Variants in COL21A1 observed in about 807,000 individuals in gnomAD.
COL21A1 encodes the protein collagen type XXI alpha 1 chain.
A neutral mutation model predicts 137.9 loss-of-function variants in COL21A1; 149 were observed. The ratio of observed to expected loss-of-function variants is 1.08; its 90% CI spans 0.95 to 1.24. The LOEUF (loss-of-function observed/expected upper bound fraction) is 1.24, where lower values mean the gene tolerates loss of function less well. Ranked by LOEUF, COL21A1 falls within the 50% of genes most tolerant of loss-of-function variation. The pLI, the probability that COL21A1 is intolerant of heterozygous loss-of-function variation, is 0.00. For synonymous variants in COL21A1, 456 were observed against 391.5 expected (o/e 1.16, Z -1.95); for missense variants, 1,167 against 1,158.4 (o/e 1.01, Z -0.11).
In COL21A1 at chr6:56,168,311, G is replaced by C; in HGVS notation, c.1027-14C>G. 6.6e-7 allele frequency: 1 copy of C among 1,518,212 alleles called. No homozygotes were observed. The highest frequency in any genetic ancestry group is 2.3e-5 in the East Asian group (1 of 42,992). The allele number at this position is 1,518,212 out of a possible 1,614,324, so 94.0% of individuals were successfully genotyped here. A position where few individuals can be genotyped will look rare whatever the true frequency, so the allele number is the denominator to read the frequency against. ...ATCAAACAACGTCTACAAAAAGAAAGTGTGGAAGATTCATAAATAAAGCCC... is the reference window on the plus strand; with the variant it reads ...ATCAAACAACGTCTACAAAAAGAAACTGTGGAAGATTCATAAATAAAGCCC... On this transcript the variant is annotated splice_polypyrimidine_tract_variant and intron_variant, in intron 5 of 29. Coordinates refer to ENST00000244728, the MANE Select transcript of COL21A1 (RefSeq NM_030820.4).
chr6:56,361,430 G>A (rs1765961991), intron 1 of COL21A1, among the ~76,000 whole-genome samples: 1 of 152,148 alleles, frequency 6.6e-6, no homozygotes, highest in South Asian at 2.1e-4. Flanking sequence ...CAAGCCTAAA[G>A]TTGGAAATAA....
chr6:56,164,647 C>G, intron 8 of COL21A1, 141 bp from the exon 9 acceptor site: 3 of 861,100 alleles, frequency 3.5e-6, no homozygotes. Context: ...TAACCCAACC[C>G]AATAGGAAAT....
chr6:56,391,262 T>C (rs1313957925), intron 1 of COL21A1, among the ~76,000 whole-genome samples: 1 of 152,008 alleles, frequency 6.6e-6, no homozygotes, highest in Non-Finnish European at 1.5e-5. Context: ...TTTAAAATTT[T>C]GTGAAACATA....
At chr6:56,260,689 A>G (rs12208542) in intron 1 of COL21A1, among the ~76,000 whole-genome samples, 40 of 104,756 alleles carry the variant, frequency 3.8e-4, no homozygotes, top group African/African-American at 1.7e-3. Flanking sequence ...GGAAGGAAGG[A>G]AGGCAGGCAG....
Position 56,074,233 on chromosome 6 carries a change from T to C in COL21A1, c.1964A>G (p.Lys655Arg), listed in dbSNP as rs1767013802. 1 of 1,580,980 alleles carries C rather than the reference T, an allele frequency of 6.3e-7. No homozygotes were observed. Among genetic ancestry groups the C allele is most frequent in the Non-Finnish European group, 8.6e-7 (1 of 1,163,646 alleles). ...TCTTGTTTATTTTATCATATTTACC[T>C]TAGATCCCGGTGTTCCAGGCTGGCC... ...SPGQPGTPGS[K>R]GSKGEPGIQG... The change falls in exon 20 of 30, where the codon AAG (lysine) becomes AGG (arginine). Residue 655 changes from lysine (K) to arginine (R), a missense_variant and splice_region_variant. By Grantham distance (26) the Lys-to-Arg change is conservative. Transcript: ENST00000244728.
chr6:56,248,536 A>G (rs1782762028), upstream of COL21A1, among the ~76,000 whole-genome samples: 1 of 152,160 alleles, frequency 6.6e-6, no homozygotes, highest in Non-Finnish European at 1.5e-5. Flanking sequence ...TGTGTTTCCT[A>G]TCCAACTCAA....
intron 3 of COL21A1, among the ~76,000 whole-genome samples, chr6:56,174,864 T>A (rs1017807036): frequency 2.6e-5 from 4 of 152,018 alleles, no homozygotes; most frequent in African/African-American, 9.7e-5. Flanking sequence ...AAAATAAAAC[T>A]ACAAGCCAAT....
intron 10 of COL21A1, among the ~76,000 whole-genome samples, chr6:56,146,430 T>C (rs1774842606): frequency 6.6e-6 from 1 of 152,196 alleles, no homozygotes; most frequent in African/African-American, 2.4e-5. Flanking sequence ...ATTCTATGTA[T>C]AACTAATATA....
chr6:56,353,447 C>T (rs371903288), intron 1 of COL21A1, among the ~76,000 whole-genome samples: 3 of 152,174 alleles, frequency 2.0e-5, no homozygotes, highest in Non-Finnish European at 2.9e-5. Flanking sequence ...CTTCCAGAAG[C>T]TTCTGTGAGG....
chr6:56,186,071 C>T (rs1778277271), intron 1 of COL21A1, among the ~76,000 whole-genome samples: 1 of 151,528 alleles, frequency 6.6e-6, no homozygotes, highest in South Asian at 2.1e-4. Context: ...GTAAATTTTC[C>T]ATTATTCTTT....
intron 17 of COL21A1, among the ~76,000 whole-genome samples, chr6:56,099,279 G>A (rs1770211551): frequency 7.1e-6 from 1 of 141,564 alleles, no homozygotes; most frequent in Non-Finnish European, 1.5e-5. Context: ...TGTCGCCCAG[G>A]CTGGAGTGCA....
chr6:56,240,685 AAG>A (rs1316264745), intron 1 of COL21A1, among the ~76,000 whole-genome samples: 1 of 152,148 alleles, frequency 6.6e-6, no homozygotes, highest in Admixed American at 6.5e-5. Flanking sequence ...GGCAAAATGA[AAG>A]AGAACTTTGC....
intron 1 of COL21A1, among the ~76,000 whole-genome samples, chr6:56,280,575 C>G (rs2152333861): frequency 6.6e-6 from 1 of 152,232 alleles, no homozygotes; most frequent in South Asian, 2.1e-4. Flanking sequence ...GGACTCTGAG[C>G]ATATAAGAAA....
chr6:56,388,664 A>C (rs1370114902), intron 1 of COL21A1, among the ~76,000 whole-genome samples: 1 of 152,238 alleles, frequency 6.6e-6, no homozygotes, highest in Non-Finnish European at 1.5e-5. Flanking sequence ...CTTCTCAAAA[A>C]GGATGAGTAC....
chr6:56,307,059 T>G (rs961632263), intron 1 of COL21A1, among the ~76,000 whole-genome samples: 1 of 152,204 alleles, frequency 6.6e-6, no homozygotes, highest in Non-Finnish European at 1.5e-5. Context: ...ACAGCAAATG[T>G]TGCTTCCTGA....
At chr6:56,160,919 A>C (rs926535) in intron 9 of COL21A1, among the ~76,000 whole-genome samples, 88,291 of 152,064 alleles carry the variant, frequency 0.58, 26,002 homozygotes, top group East Asian at 0.79. Context: ...TTACGCCTTC[A>C]TGCTACCCCT....
At chr6:56,195,076 C>T (rs995959638) in intron 1 of COL21A1, among the ~76,000 whole-genome samples, 5 of 152,144 alleles carry the variant, frequency 3.3e-5, no homozygotes, top group African/African-American at 2.4e-5. Context: ...ATGCCCTCTG[C>T]GGGCTTGTGA....
chr6:56,088,081 A>C (rs1043169139), intron 17 of COL21A1, among the ~76,000 whole-genome samples: 4 of 152,204 alleles, frequency 2.6e-5, no homozygotes, highest in Non-Finnish European at 5.9e-5. Context: ...TTTGCTTTTT[A>C]GGCCGGGCAC....
intron 1 of COL21A1, among the ~76,000 whole-genome samples, chr6:56,259,286 T>C (rs763372437): frequency 3.3e-5 from 5 of 152,214 alleles, no homozygotes; most frequent in Admixed American, 2.0e-4. Context: ...ATGCTTCCAT[T>C]TGCATTTCTA....
Sources: allele counts gnomAD v4.1 joint callset (sites outside exome capture counted in the v4.1 genomes callset), GRCh38; gene constraint gnomAD v4.1.1; transcripts MANE v1.5; gene names NCBI Gene and HGNC (gene_info 2026-07-23, HGNC 2026-07-21).